CREBBP: variants seen among roughly 807,000 people sequenced by gnomAD.
CREBBP encodes the protein CREB-binding protein.
Under a neutral mutation model 265.0 loss-of-function variants are expected in CREBBP, and 19 were observed. The ratio of observed to expected loss-of-function variants is 0.07; its 90% CI spans 0.05 to 0.11. The LOEUF is 0.11. CREBBP is among the 10% of genes least tolerant of loss of function. The pLI, the probability that CREBBP is intolerant of heterozygous loss-of-function variation, is 1.00. For synonymous variants in CREBBP, 1,457 were observed against 1,223.7 expected, an observed-to-expected ratio of 1.19 and a Z score of -3.98; for missense variants, 2,525 against 3,219.0, an observed-to-expected ratio of 0.78 and a Z score of 5.22.
intron 2 of CREBBP, chr16:3,840,707 T>C (rs2054549285): frequency 6.3e-6 from 1 of 159,554 alleles, no homozygotes; most frequent in Non-Finnish European, 1.4e-5. Context: ...ACCAGAAGGC[T>C]CACCCCAACA....
At chr16:3,764,325 A>G (rs2052794955) in intron 16 of CREBBP, among the ~76,000 whole-genome samples, 1 of 152,056 alleles carries the variant, frequency 6.6e-6, no homozygotes, top group African/African-American at 2.4e-5. Context: ...CATCCAGGCT[A>G]GAACGCACTG....
rs148023511 is a variant in CREBBP at position 3,780,823 on chromosome 16, G to A, written c.1732C>T (p.Pro578Ser). 1.0e-4 allele frequency: 166 copies of A among 1,613,798 alleles called. No individual in the cohort carries two copies. Among genetic ancestry groups the A allele is most frequent in the Non-Finnish European group, 1.3e-4 (159 of 1,180,034 alleles). The change falls in exon 8 of 31, where the codon CCA becomes TCA. Residue 578 changes from proline (P) to serine (S), a missense_variant. By Grantham distance (74) the Pro-to-Ser change is moderately conservative. Transcript: ENST00000262367. ...SGNIGTLSTIPTAAPPSSTGV... is the reference protein window; with the variant it reads ...SGNIGTLSTISTAAPPSSTGV... ...GTGCTAGAAGGAGGAGCTGCTGTTG[G>A]TATAGTGCTGAGGGTTCCAATGTTA...
intron 16 of CREBBP, among the ~76,000 whole-genome samples, chr16:3,764,529 G>A (rs749122424): frequency 2.6e-5 from 4 of 151,972 alleles, no homozygotes; most frequent in Non-Finnish European, 4.4e-5. Context: ...TCCTGTGTTC[G>A]CCTCCCAAAG....
chr16:3,790,148 G>T (rs901269908), intron 5 of CREBBP, among the ~76,000 whole-genome samples: 3 of 152,036 alleles, frequency 2.0e-5, no homozygotes, highest in Non-Finnish European at 4.4e-5. Flanking sequence ...TAAAACACAA[G>T]AAATTTAGCC....
At chr16:3,794,523 CAGTT>C (rs928444359) in intron 3 of CREBBP, among the ~76,000 whole-genome samples, 35 of 152,232 alleles carry the variant, frequency 2.3e-4, no homozygotes, top group African/African-American at 3.6e-4. Flanking sequence ...AGAATAATGA[CAGTT>C]AGCCTTAATA....
intron 1 of CREBBP, among the ~76,000 whole-genome samples, chr16:3,867,730 C>T (rs1369479117): frequency 7.2e-6 from 1 of 138,794 alleles, no homozygotes; most frequent in Non-Finnish European, 1.5e-5. Context: ...CCAGCCTAGG[C>T]AACATAGGAA....
intron 2 of CREBBP, among the ~76,000 whole-genome samples, chr16:3,819,581 G>C (rs2054104070): frequency 6.6e-6 from 1 of 152,072 alleles, no homozygotes; most frequent in Non-Finnish European, 1.5e-5. Flanking sequence ...TTGGATTATG[G>C]GACATTTTCA....
chr16:3,739,827 G>T, intron 24 of CREBBP, 103 bp from the exon 25 acceptor site: 2 of 1,528,220 alleles, frequency 1.3e-6, no homozygotes, highest in Non-Finnish European at 1.8e-6. Context: ...CAGATGAGCG[G>T]AGGCATGGCC....
intron 16 of CREBBP, among the ~76,000 whole-genome samples, chr16:3,766,304 A>C (rs1228960981): frequency 1.3e-5 from 2 of 152,238 alleles, no homozygotes; most frequent in African/African-American, 4.8e-5. Context: ...CAATCAGCTG[A>C]AAGGGCTACG....
rs111950815 is a variant in CREBBP, at chr16:3,763,168, AT to A, written c.3251-4197del. Among the ~76,000 whole-genome samples, 732 of 141,264 alleles carry A rather than the reference AT, an allele frequency of 5.2e-3. 1 individual carries two copies. The highest frequency in any genetic ancestry group is 0.013 in the East Asian group (63 of 4,918). 92.7% of individuals were successfully genotyped at this position (141,264 alleles called of 152,430 possible). A position where few individuals can be genotyped will look rare whatever the true frequency, so the allele number is the denominator to read the frequency against. On this transcript the variant is annotated intron_variant, in intron 16 of 30. Transcript: ENST00000262367. ...AACTATTTCACCAAAACTGAAACCA[AT>A]TTTTTTTTTTTTTTTGAGACGAGGT...
At chr16:3,771,461 C>G (rs985599216) in intron 13 of CREBBP, among the ~76,000 whole-genome samples, 1 of 152,118 alleles carries the variant, frequency 6.6e-6, no homozygotes, top group Non-Finnish European at 1.5e-5. Context: ...TCCTCAATAA[C>G]GGTAAAACTA....
chr16:3,757,453 A>G, intron 18 of CREBBP, 77 bp from the exon 19 acceptor site: 1 of 1,178,934 alleles, frequency 8.5e-7, no homozygotes. Flanking sequence ...AGTCTACTAT[A>G]GAGACTAGTA....
chr16:3,783,651 G>A (rs1391652764), intron 5 of CREBBP, among the ~76,000 whole-genome samples: 4 of 152,228 alleles, frequency 2.6e-5, no homozygotes, highest in Non-Finnish European at 4.4e-5. Flanking sequence ...TCGCAATTCT[G>A]CATGGGTCTT....
At chr16:3,876,455 A>G (rs2055406011) in intron 1 of CREBBP, among the ~76,000 whole-genome samples, 2 of 150,002 alleles carry the variant, frequency 1.3e-5, no homozygotes, top group African/African-American at 4.9e-5. Context: ...ACAAAAGTCT[A>G]CTGCTTGCCT....
At chr16:3,813,439 G>A (rs1019028837) in intron 2 of CREBBP, among the ~76,000 whole-genome samples, 6 of 152,142 alleles carry the variant, frequency 3.9e-5, no homozygotes, top group African/African-American at 1.4e-4. Flanking sequence ...AAACTTAATT[G>A]AAGCAGGAAT....
At chr16:3,779,309 GA>G (rs1229908404) in intron 8 of CREBBP, among the ~76,000 whole-genome samples, 1 of 152,054 alleles carries the variant, frequency 6.6e-6, no homozygotes, top group Non-Finnish European at 1.5e-5. Context: ...AGTAAGCTGG[GA>G]AGTACAGGTG....
intron 3 of CREBBP, among the ~76,000 whole-genome samples, chr16:3,807,388 T>C (rs2053851560): frequency 2.6e-5 from 4 of 152,176 alleles, no homozygotes; most frequent in African/African-American, 9.7e-5. Flanking sequence ...CCCTAAAGCA[T>C]GACAATAAAT....
Position 3,727,932 on chromosome 16 carries a change from G to A in CREBBP, c.7115C>T (p.Ser2372Leu), listed in dbSNP as rs1048314482. 4 of 1,609,394 alleles carry A rather than the reference G, an allele frequency of 2.5e-6. No individual in the cohort carries two copies. Among genetic ancestry groups the A allele is most frequent in the African/African-American group, 1.3e-5 (1 of 74,846 alleles). ...SPSPRIQPQP[S>L]PHHVSPQTGS... ...AGTCTGGGGTGAGACGTGGTGTGGC[G>A]AAGGCTGGGGCTGTATCCGTGGTGA... Residue 2372 changes from serine (S) to leucine (L), a missense_variant, in exon 31 of 31, where the codon TCG (serine) becomes TTG (leucine). Coordinates refer to ENST00000262367, the MANE Select transcript of CREBBP (RefSeq NM_004380.3).
chr16:3,787,420 A>G (rs1425507001), intron 5 of CREBBP, among the ~76,000 whole-genome samples: 3 of 152,222 alleles, frequency 2.0e-5, no homozygotes, highest in African/African-American at 4.8e-5. Context: ...GTCAGGGTCA[A>G]TCAAGCCCAC....
Sources: gnomAD v4.1 joint callset for allele counts (sites outside exome capture counted in the v4.1 genomes callset) on GRCh38, gnomAD v4.1.1 for gene constraint, MANE v1.5 for transcripts, NCBI Gene and HGNC (gene_info 2026-07-23, HGNC 2026-07-21) for gene names.